TANC2: variants seen among roughly 807,000 people sequenced by gnomAD.
TANC2 encodes the protein tetratricopeptide repeat, ankyrin repeat and coiled-coil containing 2.
A neutral mutation model predicts 210.5 loss-of-function variants in TANC2; 26 were observed. The ratio of observed to expected loss-of-function variants is 0.12; its 90% confidence interval spans 0.09 to 0.17. The LOEUF (loss-of-function observed/expected upper bound fraction) is 0.17, where lower values mean the gene tolerates loss of function less well. Among genes scored for constraint, TANC2 ranks in the 10% least tolerant of loss-of-function variants. The pLI, the probability that TANC2 is intolerant of heterozygous loss-of-function variation, is 1.00. For missense variants in TANC2, 2,129 were observed against 2,608.9 expected (o/e 0.82, Z 4.01); for synonymous variants, 931 against 967.1 (o/e 0.96, Z 0.69).
intron 9 of TANC2, among the ~76,000 whole-genome samples, chr17:63,276,141 C>G (rs1311591540): frequency 1.3e-5 from 2 of 152,066 alleles, no homozygotes; most frequent in Non-Finnish European, 2.9e-5. Context: ...TGTGAAATAA[C>G]TTCCCCAGAT....
At chr17:63,069,654 T>A (rs997274212) in intron 2 of TANC2, among the ~76,000 whole-genome samples, 2 of 152,174 alleles carry the variant, frequency 1.3e-5, no homozygotes, top group African/African-American at 4.8e-5. Flanking sequence ...TTCCCACACA[T>A]TTCCTGGTAA....
chr17:63,246,873 T>G (rs2042933425), intron 8 of TANC2, among the ~76,000 whole-genome samples: 1 of 152,158 alleles, frequency 6.6e-6, no homozygotes, highest in Admixed American at 6.5e-5. Context: ...ATTTAACTTT[T>G]TAAGAAATGC....
At position 63,399,111 on chromosome 17, in the gene TANC2, C is replaced by T. The variant is rs1404487447; in HGVS notation, c.3331+197C>T. On this transcript the variant is annotated intron_variant, in intron 19 of 27. Transcript: ENST00000689528. ...TCTTTGCCTGTGGATTCTCCATACT[C>T]TTTGCACCAGAGTCTTCTTTCAAAC... is the stretch of plus-strand genomic sequence containing the variant. 7 of 376,208 alleles carry T rather than the reference C, an allele frequency of 1.9e-5. No individual in the cohort carries two copies. The South Asian group carries it at 3.1e-4, about 16-fold the overall frequency. The allele number at this position is 376,208 out of a possible 1,614,324, so 23.3% of individuals were successfully genotyped here.
chr17:63,355,448 G>C, intron 14 of TANC2, 58 bp downstream of exon 14: 1 of 1,456,506 alleles, frequency 6.9e-7, no homozygotes, highest in South Asian at 1.4e-5. Context: ...ATTGCATGGA[G>C]TGTGAGTATT....
At chr17:63,082,570 A>G (rs1161957595) in intron 3 of TANC2, among the ~76,000 whole-genome samples, 2 of 152,216 alleles carry the variant, frequency 1.3e-5, no homozygotes, top group Non-Finnish European at 1.5e-5. Flanking sequence ...AGGGGAAATC[A>G]CAAGGAGCTA....
chr17:63,015,371 G>A (rs1190607794), intron 2 of TANC2, among the ~76,000 whole-genome samples: 1 of 151,862 alleles, frequency 6.6e-6, no homozygotes. Context: ...ACAACGTGCA[G>A]GTTTGTTACA....
Position 63,418,426 on chromosome 17 carries a change from G to T in TANC2, c.4268+19G>T. ...GCAGCAGGTGAGGAGAGAGAGAGAG[G>T]GTGAAAGCAAGAGGTCTCTTTTCTG... On this transcript the variant is annotated intron_variant, in intron 27 of 27. Coordinates refer to ENST00000689528, the Ensembl canonical transcript of TANC2. The surrounding 1 kb of genome is among the most constrained non-coding windows in gnomAD (Gnocchi z 4.6). 1 of 1,596,158 alleles carries T rather than the reference G, an allele frequency of 6.3e-7. No individual in the cohort carries two copies.
intron 11 of TANC2, among the ~76,000 whole-genome samples, chr17:63,328,240 C>T (rs1201749400): frequency 6.6e-6 from 1 of 152,104 alleles, no homozygotes; most frequent in Non-Finnish European, 1.5e-5. Flanking sequence ...GTACTATGCT[C>T]ACTGTGGGTG....
chr17:63,098,304 CTTTA>C, intron 3 of TANC2, among the ~76,000 whole-genome samples: 1 of 151,970 alleles, frequency 6.6e-6, no homozygotes, highest in African/African-American at 2.4e-5. Context: ...TAGAGCTGAG[CTTTA>C]GTCCCTGTGA....
chr17:63,191,319 G>C (rs531868291), intron 5 of TANC2, among the ~76,000 whole-genome samples: 4 of 146,790 alleles, frequency 2.7e-5, no homozygotes, highest in Admixed American at 2.0e-4. Context: ...TGTGGTTTTT[G>C]CCATTACCTT....
intron 3 of TANC2, among the ~76,000 whole-genome samples, chr17:63,078,057 C>G (rs2036634811): frequency 6.6e-6 from 1 of 152,228 alleles, no homozygotes; most frequent in South Asian, 2.1e-4. Flanking sequence ...GTTTCCTCCT[C>G]TTCAGTTTCC....
rs1042313020 is a variant in TANC2, at chr17:63,322,046, A to G, written c.1575+2956A>G. Among the ~76,000 whole-genome samples the G allele has an allele frequency of 5.9e-5, 9 of 152,210 alleles. No individual in the cohort carries two copies. The South Asian group carries it at 6.2e-4, about 10-fold the overall frequency. ...ACTCCAGCTCCAAGCCAGAAACAGC[A>G]TGTTTTCCCAGATACATTATTAATT... is the stretch of plus-strand genomic sequence containing the variant. On this transcript the variant is annotated intron_variant, in intron 11 of 27. Transcript: ENST00000689528.
chr17:63,188,501 G>C (rs2145712044), intron 5 of TANC2, among the ~76,000 whole-genome samples: 1 of 150,888 alleles, frequency 6.6e-6, no homozygotes, highest in Admixed American at 6.6e-5. Context: ...GCTGAGGCAG[G>C]AGAATTGCTT....
chr17:62,997,311 A>G (rs1007969604), intron 1 of TANC2, among the ~76,000 whole-genome samples: 2 of 151,996 alleles, frequency 1.3e-5, no homozygotes, highest in African/African-American at 2.4e-5. Flanking sequence ...CATCGTGTGC[A>G]TTATTAACCC....
intron 15 of TANC2, among the ~76,000 whole-genome samples, chr17:63,387,515 G>A (rs1474521808): frequency 1.3e-5 from 2 of 152,130 alleles, no homozygotes; most frequent in African/African-American, 4.8e-5. Context: ...GGTATATGTA[G>A]GTATTCTAGG....
chr17:63,010,121 C>A (rs182287238), intron 2 of TANC2, among the ~76,000 whole-genome samples: 1 of 152,046 alleles, frequency 6.6e-6, no homozygotes, highest in East Asian at 1.9e-4. Context: ...ATATATACTT[C>A]CTTGGTAAAA....
At chr17:63,245,077 A>T (rs2042879382) in intron 8 of TANC2, among the ~76,000 whole-genome samples, 1 of 152,166 alleles carries the variant, frequency 6.6e-6, no homozygotes, top group South Asian at 2.1e-4. Flanking sequence ...AATGTTTTGT[A>T]AAAATCAGTG....
chr17:63,380,206 T>G (rs2047561398), intron 15 of TANC2, among the ~76,000 whole-genome samples: 1 of 152,218 alleles, frequency 6.6e-6, no homozygotes, highest in Non-Finnish European at 1.5e-5. Context: ...TTAAAATTGT[T>G]TTAGTGACAA....
At chr17:63,222,138 A>ACCCT (rs2042209512) in intron 7 of TANC2, among the ~76,000 whole-genome samples, 5 of 152,204 alleles carry the variant, frequency 3.3e-5, no homozygotes, top group Non-Finnish European at 7.3e-5. Context: ...CGTAGACAGC[A>ACCCT]TCATCCTCAC....
Sources: gnomAD v4.1 joint callset for allele counts (sites outside exome capture counted in the v4.1 genomes callset) on GRCh38, gnomAD v4.1.1 for gene constraint, Gnocchi (gnomAD v3.1) non-coding constraint, MANE v1.5 for transcripts, NCBI Gene and HGNC (gene_info 2026-07-23, HGNC 2026-07-21) for gene names.